RNF185: variants seen among roughly 807,000 people sequenced by gnomAD.
The protein encoded by RNF185 is ring finger protein 185.
Under a neutral mutation model 24.9 loss-of-function variants are expected in RNF185, and 13 were observed. That is an observed-to-expected ratio of 0.52 (90% CI 0.34 to 0.83). The LOEUF is 0.83. RNF185 is among the 40% of genes least tolerant of loss of function. RNF185 has a pLI of 0.01. For missense variants in RNF185, 184 were observed against 244.7 expected (o/e 0.75, Z 1.65); for synonymous variants, 79 against 90.3 (o/e 0.88, Z 0.71).
chr22:31,168,920 T>G (rs1924107070), intron 1 of RNF185, among the ~76,000 whole-genome samples: 1 of 152,130 alleles, frequency 6.6e-6, no homozygotes, highest in East Asian at 1.9e-4. Flanking sequence ...TTTAAAAATT[T>G]TTTTTGAGAC....
chr22:31,201,043 G>C (rs1043141527), intron 5 of RNF185, among the ~76,000 whole-genome samples: 2 of 150,636 alleles, frequency 1.3e-5, no homozygotes, highest in African/African-American at 2.4e-5. Flanking sequence ...TTCCATTGTT[G>C]GCTAATTAGA....
chr22:31,171,000 C>A (rs2047923426), intron 1 of RNF185, among the ~76,000 whole-genome samples: 1 of 151,802 alleles, frequency 6.6e-6, no homozygotes, highest in South Asian at 2.1e-4. Flanking sequence ...AGGAGTGGAT[C>A]CTGGGCAAAG....
chr22:31,193,738 G>C lies in RNF185; in HGVS notation c.195+1036G>C, dbSNP rs1180779839. Among the ~76,000 whole-genome samples the C allele has an allele frequency of 2.0e-5, 3 of 151,280 alleles. No individual in the cohort carries two copies. The South Asian group carries it at 6.2e-4, about 31-fold the overall frequency. Reference sequence around the variant, plus strand: ...GAATCTGGGAGGCAGAGGTTGCAGTGAGCTGAGATTGCACCACTGCACTCC... The same window carrying C: ...GAATCTGGGAGGCAGAGGTTGCAGTCAGCTGAGATTGCACCACTGCACTCC... On this transcript the variant is annotated intron_variant, in intron 3 of 6. Transcript: ENST00000326132.
At chr22:31,202,385 A>G (rs1156889543) in intron 6 of RNF185, among the ~76,000 whole-genome samples, 1 of 152,066 alleles carries the variant, frequency 6.6e-6, no homozygotes, top group African/African-American at 2.4e-5. Flanking sequence ...TGGACACAGC[A>G]TATGGTACAG....
At chr22:31,175,279 A>G (rs892094734) in intron 1 of RNF185, among the ~76,000 whole-genome samples, 6 of 151,474 alleles carry the variant, frequency 4.0e-5, no homozygotes, top group Admixed American at 2.6e-4. Context: ...GCGAAACCCC[A>G]TCTCTACAAA....
At chr22:31,199,679 C>T (rs2048241898) in intron 5 of RNF185, among the ~76,000 whole-genome samples, 1 of 152,190 alleles carries the variant, frequency 6.6e-6, no homozygotes, top group Non-Finnish European at 1.5e-5. Context: ...ATTGCACCTT[C>T]CCAAGTAAGG....
At chr22:31,197,027 C>T (rs2048212248) in intron 5 of RNF185, 37 bp downstream of exon 5, 1 of 1,612,620 alleles carries the variant, frequency 6.2e-7, no homozygotes, top group Non-Finnish European at 8.5e-7. Context: ...TACAAATGAG[C>T]TGATGGCTTT....
intron 1 of RNF185, among the ~76,000 whole-genome samples, chr22:31,183,510 T>G (rs569487453): frequency 2.0e-5 from 3 of 152,230 alleles, no homozygotes; most frequent in African/African-American, 7.2e-5. Context: ...GTCTCTGGTT[T>G]TCCTAGGCAG....
At chr22:31,160,816 A>G (rs765119678) in intron 1 of RNF185, among the ~76,000 whole-genome samples, 2 of 152,166 alleles carry the variant, frequency 1.3e-5, no homozygotes, top group South Asian at 4.1e-4. Flanking sequence ...TTCTTACACC[A>G]TCTGCTTTGT....
At chr22:31,201,700 T>G in intron 6 of RNF185, 85 bp downstream of exon 6, 1 of 926,236 alleles carries the variant, frequency 1.1e-6, no homozygotes, top group Non-Finnish European at 1.7e-6. Flanking sequence ...GTATATAAGT[T>G]ACAGATAATT....
intron 1 of RNF185, among the ~76,000 whole-genome samples, chr22:31,173,948 C>T (rs1459112465): frequency 6.6e-6 from 1 of 152,210 alleles, no homozygotes; most frequent in Non-Finnish European, 1.5e-5. Context: ...CTCATTTACT[C>T]AGCAAATTAA....
rs1281515728 is a variant in RNF185 at position 31,206,355 on chromosome 22, T to A, written c.*1769T>A. ...AGTGTGCCTGATAGATTTTAAACAT[T>A]CCTGGGCACCCACTCAAGAGTGCTC... is the stretch of plus-strand genomic sequence containing the variant. On this transcript the variant is annotated 3_prime_UTR_variant, in exon 7 of 7. Coordinates refer to ENST00000326132, the MANE Select transcript of RNF185 (RefSeq NM_152267.4). The A allele has an allele frequency of 2.0e-5, 3 of 152,586 alleles. No homozygotes were observed. Among genetic ancestry groups the A allele is most frequent in the Non-Finnish European group, 4.4e-5 (3 of 68,024 alleles). The allele number at this position is 152,586 out of a possible 1,614,324, so 9.5% of individuals were successfully genotyped here. A position where few individuals can be genotyped will look rare whatever the true frequency, so the allele number is the denominator to read the frequency against.
intron 1 of RNF185, among the ~76,000 whole-genome samples, chr22:31,170,619 C>G (rs1045467962): frequency 1.3e-5 from 2 of 151,916 alleles, no homozygotes; most frequent in African/African-American, 4.8e-5. Flanking sequence ...CAAGCGATTC[C>G]CATGTCTCAG....
chr22:31,164,612 G>A (rs1217702779), intron 1 of RNF185, among the ~76,000 whole-genome samples: 15 of 132,694 alleles, frequency 1.1e-4, no homozygotes, highest in Admixed American at 1.6e-4. Flanking sequence ...TTTTTGAGAC[G>A]GAGTCTCACC....
chr22:31,172,478 G>T (rs2047939846), intron 1 of RNF185, among the ~76,000 whole-genome samples: 2 of 152,132 alleles, frequency 1.3e-5, no homozygotes, highest in Non-Finnish European at 2.9e-5. Flanking sequence ...GCTGGGCGCG[G>T]TGGCTCATGC....
chr22:31,163,975 CTTA>C (rs899192971), intron 1 of RNF185, among the ~76,000 whole-genome samples: 1 of 145,596 alleles, frequency 6.9e-6, no homozygotes, highest in African/African-American at 2.5e-5. Context: ...TGCCTGGCCC[CTTA>C]TTATTATTAT....
intron 1 of RNF185, among the ~76,000 whole-genome samples, chr22:31,162,320 A>G (rs938820920): frequency 6.6e-6 from 1 of 152,160 alleles, no homozygotes; most frequent in African/African-American, 2.4e-5. Context: ...GGGTAAAATG[A>G]TCTTAATTTG....
chr22:31,201,409 G>T (rs938633916), intron 5 of RNF185, 89 bp from the exon 6 acceptor site: 10 of 938,124 alleles, frequency 1.1e-5, no homozygotes, highest in Non-Finnish European at 1.8e-5. Context: ...GGTGCCACAT[G>T]CAAGACAACG....
intron 5 of RNF185, among the ~76,000 whole-genome samples, chr22:31,200,784 A>G (rs560123814): frequency 1.4e-4 from 21 of 152,360 alleles, no homozygotes; most frequent in African/African-American, 4.3e-4. Context: ...TGAGTTTCTT[A>G]TAGCAAGTAT....
Sources: gnomAD v4.1 joint callset for allele counts (sites outside exome capture counted in the v4.1 genomes callset) on GRCh38, gnomAD v4.1.1 for gene constraint, MANE v1.5 for transcripts, NCBI Gene and HGNC (gene_info 2026-07-23, HGNC 2026-07-21) for gene names.